Variants in XAB2 observed in about 807,000 individuals in gnomAD.
XAB2 encodes the protein pre-mRNA-splicing factor SYF1.
A neutral mutation model predicts 113.4 loss-of-function variants in XAB2; 57 were observed. The observed-to-expected ratio is 0.50, with a 90% CI of 0.41 to 0.63. XAB2 has a LOEUF of 0.63. XAB2 is among the 20% of genes least tolerant of loss of function. The pLI, the probability that XAB2 is intolerant of heterozygous loss-of-function variation, is 0.00. For synonymous variants in XAB2, 497 were observed against 498.8 expected, an observed-to-expected ratio of 1.00 and a Z score of 0.05; for missense variants, 1,037 against 1,233.3, an observed-to-expected ratio of 0.84 and a Z score of 2.38.
rs1342198971 is a variant in XAB2 at position 7,621,316 on chromosome 19, T to G, written c.1618-19A>C. ...CGTACGCCTGTTACCAGAGGGAGAG[T>G]CACATGTGAGAGTCTGCAGATAGAG... On this transcript the variant is annotated intron_variant, in intron 12 of 18. Transcript: ENST00000358368. 2 of 1,609,246 alleles carry G rather than the reference T, an allele frequency of 1.2e-6. No homozygotes were observed. The highest frequency in any genetic ancestry group is 2.7e-5 in the African/African-American group (2 of 74,552).
At position 7,619,747 on chromosome 19, in the gene XAB2, C is replaced by T. The variant is rs200577717; in HGVS notation, c.2506G>A (p.Glu836Lys). ...GTCCCCGCCCCAGCCGGGCCCTCAC[C>T]GTTGGGCTCCAGGTCCATCTCGTCC... ...DEDEMDLEPNEVRLEQQSVPA... is the reference protein window; with the variant it reads ...DEDEMDLEPNKVRLEQQSVPA... Residue 836 changes from glutamate (E) to lysine (K), a missense_variant and splice_region_variant, in exon 18 of 19, where the codon GAG becomes AAG. Physicochemically the swap from Glu to Lys is moderately conservative, Grantham distance 56. Transcript: ENST00000358368. 3.1e-6 allele frequency: 5 copies of T among 1,613,640 alleles called. No individual in the cohort carries two copies. The highest frequency in any genetic ancestry group is 1.7e-6 in the Non-Finnish European group (2 of 1,179,834).
chr19:7,623,911 G>A lies in XAB2; in HGVS notation c.968-29C>T. 6.6e-7 allele frequency: 1 copy of A among 1,523,624 alleles called. No homozygotes were observed. Among genetic ancestry groups the A allele is most frequent in the Non-Finnish European group, 8.8e-7 (1 of 1,138,138 alleles). The allele number at this position is 1,523,624 out of a possible 1,614,324, so 94.4% of individuals were successfully genotyped here. On this transcript the variant is annotated intron_variant, in intron 7 of 18. Coordinates refer to ENST00000358368, the MANE Select transcript of XAB2 (RefSeq NM_020196.3). The surrounding 1 kb of genome is among the most constrained non-coding windows in gnomAD (Gnocchi z 4.6). ...GGAGCCGCGAACATGTTTGTCAGGG[G>A]CGGAGACCCAGGATGCAGGTCCCCG...
At position 7,628,345 on chromosome 19, in the gene XAB2, C is replaced by T. The variant is rs4134819; in HGVS notation, c.52-47G>A. 0.039 allele frequency: 63,119 copies of T among 1,611,456 alleles called. 7,437 individuals carry two copies. The East Asian group carries it at 0.5, about 13-fold the overall frequency. On this transcript the variant is annotated intron_variant, in intron 1 of 18. Transcript: ENST00000358368. The surrounding 1 kb of genome is among the most constrained non-coding windows in gnomAD (Gnocchi z 4.6). ...AAGAAGAGAGGCCTACCCTCAGAGC[C>T]TGTGTGCAGCACCATCCCACTGCTG... is the stretch of plus-strand genomic sequence containing the variant.
In XAB2 at chr19:7,622,388, G is replaced by T; in HGVS notation, c.1560C>A (p.Ile520=). ...CCAGGAACATGGCATAGTTGATGAC[G>T]ATCTGGGGTGTTGCGATACGCAGGT... The part of the protein sequence containing the change: ...ILDLRIATPQ[I]VINYAMFLEE... The change falls in exon 12 of 19, where the codon ATC becomes ATA. Residue 520 remains isoleucine (I), a synonymous_variant. Transcript: ENST00000358368. The T allele has an allele frequency of 6.2e-7, 1 of 1,614,206 alleles. No individual in the cohort carries two copies. Among genetic ancestry groups the T allele is most frequent in the Non-Finnish European group, 8.5e-7 (1 of 1,180,042 alleles).
At position 7,622,847 on chromosome 19, in the gene XAB2, A is replaced by G. The variant is rs754765059; in HGVS notation, c.1286T>C (p.Val429Ala). The G allele has an allele frequency of 1.9e-6, 3 of 1,613,874 alleles. No homozygotes were observed. In the Admixed American group the frequency reaches 5.0e-5, roughly 27 times the overall value. ...EKATKVNFKQ[V>A]DDLASVWCQC... ...ACACCACACGCTTGCCAGGTCATCCACCTGCTTGAAGTTCACCTTGGTGGC... is the reference window on the plus strand; with the variant it reads ...ACACCACACGCTTGCCAGGTCATCCGCCTGCTTGAAGTTCACCTTGGTGGC... The change falls in exon 10 of 19, where the codon GTG (valine) becomes GCG (alanine). Residue 429 changes from valine to alanine, a missense_variant. Val to Ala is a moderately conservative substitution (Grantham distance 64). Coordinates refer to ENST00000358368, the MANE Select transcript of XAB2 (RefSeq NM_020196.3).
Position 7,627,250 on chromosome 19 carries a change from A to C in XAB2, c.515T>G (p.Phe172Cys). 1.2e-6 allele frequency: 2 copies of C among 1,612,692 alleles called. No individual in the cohort carries two copies. The highest frequency in any genetic ancestry group is 1.7e-6 in the Non-Finnish European group (2 of 1,179,956). ...PETAVRGYRR[F>C]LKLSPESAEE... Reference sequence around the variant, plus strand: ...CGCACCTGCTAGGCTCACCTTGAGGAAGCGCCGATAGCCTCGCACAGCTGT... The same window carrying C: ...CGCACCTGCTAGGCTCACCTTGAGGCAGCGCCGATAGCCTCGCACAGCTGT... Residue 172 changes from phenylalanine to cysteine, a missense_variant, in exon 4 of 19, where the codon TTC becomes TGC. Phe to Cys is a radical substitution (Grantham distance 205). Transcript: ENST00000358368. This position sits in a 1 kb window ranked among gnomAD's most constrained non-coding sequence, Gnocchi z 4.5.
rs61735949 is a variant in XAB2 at position 7,619,850 on chromosome 19, G to A, written c.2403C>T (p.Asp801=). 9.7e-5 allele frequency: 156 copies of A among 1,611,942 alleles called. No homozygotes were observed. The highest frequency in any genetic ancestry group is 5.2e-4 in the African/African-American group (39 of 74,922). Residue 801 remains aspartate, a synonymous_variant, in exon 18 of 19, where the codon GAC becomes GAT. Coordinates refer to ENST00000358368, the MANE Select transcript of XAB2 (RefSeq NM_020196.3). ...AQSKILFVRS[D]ASREELAELA... is the part of the protein sequence containing the mutation. ...GCTCTGCCAGCTCCTCCCGGGAGGC[G>A]TCACTCCTAGGGACGGGCCATGCTG...
chr19:7,626,993 G>A lies in XAB2; in HGVS notation c.522+250C>T, dbSNP rs535604341. Among the ~76,000 whole-genome samples the A allele has an allele frequency of 1.8e-4, 27 of 152,258 alleles. No homozygotes were observed. In the Middle Eastern group the frequency reaches 0.01, roughly 58 times the overall value. On this transcript the variant is annotated intron_variant, in intron 4 of 18. Transcript: ENST00000358368. Reference sequence around the variant, plus strand: ...ATCTGTCTTCCTACTTAGACTAAAAGCTCCGTGCAGGCAGGGAGTGTCTTA... The same window carrying A: ...ATCTGTCTTCCTACTTAGACTAAAAACTCCGTGCAGGCAGGGAGTGTCTTA...
chr19:7,621,862 A>T, intron 12 of XAB2: 1 of 194,488 alleles, frequency 5.1e-6, no homozygotes, highest in Non-Finnish European at 1.1e-5. Flanking sequence ...TCATGGGTGC[A>T]CGTGGAAGTA....
At chr19:7,620,172 A>T in intron 16 of XAB2, 97 bp from the exon 17 acceptor site, 1 of 1,594,814 alleles carries the variant, frequency 6.3e-7, no homozygotes, top group South Asian at 1.1e-5. Flanking sequence ...CCAGCCCTCA[A>T]GGAGATTGCC....
At position 7,625,813 on chromosome 19, in the gene XAB2, A is replaced by G. The variant is rs982090141; in HGVS notation, c.822+67T>C. The G allele has an allele frequency of 7.8e-6, 12 of 1,536,440 alleles. No homozygotes were observed. Among genetic ancestry groups the G allele is most frequent in the Non-Finnish European group, 1.8e-6 (2 of 1,137,568 alleles). On this transcript the variant is annotated intron_variant, in intron 6 of 18. Coordinates refer to ENST00000358368, the MANE Select transcript of XAB2 (RefSeq NM_020196.3). This position sits in a 1 kb window ranked among gnomAD's most constrained non-coding sequence, Gnocchi z 5.2. ...ATGTTTTCTGCCTGTGCATGTGTCA[A>G]CATGTGTCCCCGAGTGTCGGAGGGA...
chr19:7,624,392 G>A lies in XAB2; in HGVS notation c.876C>T (p.Phe292=), dbSNP rs368906159. ...GGGCGTAGCTGTCAAACACCTGTGT[G>A]AAGTCCCGCACGGTCATCACTGTCC... is the stretch of plus-strand genomic sequence containing the variant. ...AIRTVMTVRD[F]TQVFDSYAQF... The change falls in exon 7 of 19, where the codon TTC becomes TTT. Residue 292 remains phenylalanine, a synonymous_variant. Transcript: ENST00000358368. The surrounding 1 kb of genome is among the most constrained non-coding windows in gnomAD (Gnocchi z 4.2). 1.6e-5 allele frequency: 26 copies of A among 1,614,072 alleles called. No individual in the cohort carries two copies. Among genetic ancestry groups the A allele is most frequent in the Admixed American group, 1.5e-4 (9 of 60,012 alleles).
At position 7,628,281 on chromosome 19, in the gene XAB2, G is replaced by A. The variant is rs917890852; in HGVS notation, c.69C>T (p.Pro23=). 2 of 1,614,066 alleles carry A rather than the reference G, an allele frequency of 1.2e-6. No homozygotes were observed. Among genetic ancestry groups the A allele is most frequent in the African/African-American group, 2.7e-5 (2 of 75,034 alleles). The change falls in exon 2 of 19, where the codon CCC becomes CCT. Residue 23 remains proline, a synonymous_variant. Transcript: ENST00000358368. The surrounding 1 kb of genome is among the most constrained non-coding windows in gnomAD (Gnocchi z 4.6). The part of the protein sequence containing the change: ...PDLVFEEEDL[P]YEEEIMRNQF... Reference sequence around the variant, plus strand: ...GGTTCCGCATGATTTCCTCCTCATAGGGGAGGTCCTCTTCCTCCTGCCAGG... The same window carrying A: ...GGTTCCGCATGATTTCCTCCTCATAAGGGAGGTCCTCTTCCTCCTGCCAGG...
Position 7,627,749 on chromosome 19 carries a change from C to G in XAB2, c.303G>C (p.Arg101Ser). Residue 101 changes from arginine (R) to serine (S), a missense_variant, in exon 3 of 19, where the codon AGG (arginine) becomes AGC (serine). By Grantham distance (110) the Arg-to-Ser change is moderately radical (BLOSUM62 -1). Transcript: ENST00000358368. This position sits in a 1 kb window ranked among gnomAD's most constrained non-coding sequence, Gnocchi z 4.5. ...AAACCTTGTGCATGAACACAAAGGC[C>G]CTCTCATGACAGTTGTTGACATCTT... ...AYEDVNNCHE[R>S]AFVFMHKMPR... is the part of the protein sequence containing the mutation. 6.2e-7 allele frequency: 1 copy of G among 1,614,134 alleles called. No individual in the cohort carries two copies.
At chr19:7,629,350 T>A in intron 1 of XAB2, 127 bp downstream of exon 1, 1 of 1,148,024 alleles carries the variant, frequency 8.7e-7, no homozygotes, top group Non-Finnish European at 1.3e-6. Context: ...TCTGGCCCAT[T>A]AGGGTTCCCA....
In XAB2 at chr19:7,624,034, AC is replaced by A; in HGVS notation, c.968-153del. Reference sequence around the variant, plus strand: ...CAGCTCGGGTGTCCACCTGAGCCCCACCCCCAGCCCCAGGTACTGTGGATAC... The same window carrying A: ...CAGCTCGGGTGTCCACCTGAGCCCCACCCCAGCCCCAGGTACTGTGGATAC... On this transcript the variant is annotated intron_variant, in intron 7 of 18. Transcript: ENST00000358368. This position sits in a 1 kb window ranked among gnomAD's most constrained non-coding sequence, Gnocchi z 4.2. The A allele has an allele frequency of 2.9e-6, 2 of 681,560 alleles. No homozygotes were observed. Among genetic ancestry groups the A allele is most frequent in the Non-Finnish European group, 4.0e-6 (2 of 496,340 alleles). 42.2% of individuals were successfully genotyped at this position (681,560 alleles called of 1,614,324 possible). A position where few individuals can be genotyped will look rare whatever the true frequency, so the allele number is the denominator to read the frequency against.
intron 4 of XAB2, among the ~76,000 whole-genome samples, chr19:7,626,578 C>T (rs910471242): frequency 2.0e-5 from 3 of 151,888 alleles, no homozygotes; most frequent in Admixed American, 6.6e-5. Context: ...GCCTTGACTG[C>T]GGTGGTCCAG....
chr19:7,626,678 C>T (rs1379643245), intron 4 of XAB2, among the ~76,000 whole-genome samples: 1 of 152,002 alleles, frequency 6.6e-6, no homozygotes, highest in Non-Finnish European at 1.5e-5. Flanking sequence ...ACTAGTCCAG[C>T]CTCAGTCCTG....
chr19:7,625,295 G>C lies in XAB2; in HGVS notation c.822+585C>G, dbSNP rs2031114727. Among the ~76,000 whole-genome samples, 1 of 152,142 alleles carries C rather than the reference G, an allele frequency of 6.6e-6. No individual in the cohort carries two copies. The highest frequency in any genetic ancestry group is 1.5e-5 in the Non-Finnish European group (1 of 68,018). Reference sequence around the variant, plus strand: ...GGTGACAGGCAGTAACTGTCACCCTGATTTTACAAATGAAGACACCCCACC... The same window carrying C: ...GGTGACAGGCAGTAACTGTCACCCTCATTTTACAAATGAAGACACCCCACC... On this transcript the variant is annotated intron_variant, in intron 6 of 18. Transcript: ENST00000358368. The surrounding 1 kb of genome is among the most constrained non-coding windows in gnomAD (Gnocchi z 5.2).
Sources: gnomAD v4.1 joint callset for allele counts (sites outside exome capture counted in the v4.1 genomes callset) on GRCh38, gnomAD v4.1.1 for gene constraint, Gnocchi (gnomAD v3.1) non-coding constraint, MANE v1.5 for transcripts, NCBI Gene and HGNC (gene_info 2026-07-23, HGNC 2026-07-21) for gene names.